HRH1: variants seen among roughly 807,000 people sequenced by gnomAD.
HRH1 encodes histamine H1 receptor.
A neutral mutation model predicts 10.3 loss-of-function variants in HRH1; 6 were observed. The ratio of observed to expected loss-of-function variants is 0.58; its 90% confidence interval spans 0.32 to 1.15. The LOEUF is 1.15. HRH1 is among the 50% of genes most tolerant of loss of function. HRH1 has a pLI of 0.05. For missense variants in HRH1, 514 were observed against 615.3 expected, an observed-to-expected ratio of 0.84 and a Z score of 1.74; for synonymous variants, 242 against 236.7, an observed-to-expected ratio of 1.02 and a Z score of -0.21.
intron 1 of HRH1, among the ~76,000 whole-genome samples, chr3:11,165,052 C>A (rs1937004464): frequency 6.6e-6 from 1 of 152,138 alleles, no homozygotes; most frequent in African/African-American, 2.4e-5. Context: ...AGCTGCTAGG[C>A]CAGTAACAAC....
At chr3:11,167,214 G>A (rs1407022081) in intron 1 of HRH1, among the ~76,000 whole-genome samples, 2 of 116,330 alleles carry the variant, frequency 1.7e-5, no homozygotes, top group Non-Finnish European at 3.6e-5. Context: ...CTGTCCCCTG[G>A]CTTCTCCAGG....
chr3:11,238,875 T>C (rs967365393), intron 1 of HRH1, among the ~76,000 whole-genome samples: 1 of 152,234 alleles, frequency 6.6e-6, no homozygotes. Flanking sequence ...TGTTTCTTTT[T>C]ATTGACAAAT....
chr3:11,202,444 A>T (rs1270987289), intron 1 of HRH1, among the ~76,000 whole-genome samples: 1 of 151,826 alleles, frequency 6.6e-6, no homozygotes, highest in African/African-American at 2.4e-5. Flanking sequence ...ATAATTAATT[A>T]AAAATAAAGG....
At chr3:11,187,408 G>A (rs1161819796) in intron 1 of HRH1, among the ~76,000 whole-genome samples, 3 of 151,592 alleles carry the variant, frequency 2.0e-5, no homozygotes, top group African/African-American at 7.3e-5. Flanking sequence ...TTTTGAAGAA[G>A]AGAAAAATAA....
intron 1 of HRH1, among the ~76,000 whole-genome samples, chr3:11,219,905 T>G (rs1938645438): frequency 1.3e-5 from 2 of 151,650 alleles, no homozygotes; most frequent in South Asian, 2.1e-4. Context: ...AAGGAGCTGT[T>G]TAGTTTCTTT....
chr3:11,180,052 C>T (rs1937323515), intron 1 of HRH1, among the ~76,000 whole-genome samples: 1 of 152,126 alleles, frequency 6.6e-6, no homozygotes, highest in Non-Finnish European at 1.5e-5. Flanking sequence ...CATGCACCAC[C>T]ACACCCGGCC....
chr3:11,174,525 G>T (rs1334355317), intron 1 of HRH1, among the ~76,000 whole-genome samples: 1 of 152,154 alleles, frequency 6.6e-6, no homozygotes, highest in African/African-American at 2.4e-5. Flanking sequence ...TTTTGACATG[G>T]ACTTGTTTAG....
At chr3:11,153,735 C>T (rs1427031585), upstream of HRH1, among the ~76,000 whole-genome samples, 2 of 151,840 alleles carry the variant, frequency 1.3e-5, no homozygotes, top group Non-Finnish European at 2.9e-5. Context: ...CAGAGGTTCC[C>T]GGGGACCTGC....
intron 1 of HRH1, among the ~76,000 whole-genome samples, chr3:11,204,903 G>T (rs977965961): frequency 6.6e-6 from 1 of 152,106 alleles, no homozygotes; most frequent in Admixed American, 6.5e-5. Flanking sequence ...TCCCAGATGC[G>T]AGGTTTCCTG....
At chr3:11,225,441 G>A (rs1938850305) in intron 1 of HRH1, among the ~76,000 whole-genome samples, 1 of 152,220 alleles carries the variant, frequency 6.6e-6, no homozygotes, top group East Asian at 1.9e-4. Flanking sequence ...CTCAAACTCT[G>A]ATCTGGCAGG....
At chr3:11,219,332 G>C (rs184711916) in intron 1 of HRH1, among the ~76,000 whole-genome samples, 1 of 152,184 alleles carries the variant, frequency 6.6e-6, no homozygotes, top group Non-Finnish European at 1.5e-5. Context: ...TCATGGTTGC[G>C]TGGTTGTGAA....
At chr3:11,189,525 C>A (rs576287890) in intron 1 of HRH1, among the ~76,000 whole-genome samples, 4 of 152,272 alleles carry the variant, frequency 2.6e-5, no homozygotes, top group Non-Finnish European at 5.9e-5. Flanking sequence ...TCTCTAGGGA[C>A]CCCTCTGGTC....
intron 1 of HRH1, among the ~76,000 whole-genome samples, chr3:11,173,800 C>G (rs1449697354): frequency 6.6e-6 from 1 of 151,994 alleles, no homozygotes; most frequent in Non-Finnish European, 1.5e-5. Context: ...TACAGAAATA[C>G]TGATTTTGTG....
intron 1 of HRH1, among the ~76,000 whole-genome samples, chr3:11,200,975 A>C (rs1030891387): frequency 2.0e-5 from 3 of 152,202 alleles, no homozygotes; most frequent in Non-Finnish European, 4.4e-5. Flanking sequence ...GGTCTAGAGT[A>C]GAATTCTTTG....
At chr3:11,173,546 C>T (rs1484919679) in intron 1 of HRH1, among the ~76,000 whole-genome samples, 1 of 151,640 alleles carries the variant, frequency 6.6e-6, no homozygotes, top group African/African-American at 2.4e-5. Flanking sequence ...GGACTACAGG[C>T]ACCCGCCACC....
At chr3:11,185,463 C>T (rs454180) in intron 1 of HRH1, among the ~76,000 whole-genome samples, 69,710 of 152,028 alleles carry the variant, frequency 0.46, 17,483 homozygotes, top group African/African-American at 0.66. Flanking sequence ...TGAGCAAGAA[C>T]TGTGTCTCAC....
At chr3:11,198,093 C>G (rs1937741188) in intron 1 of HRH1, among the ~76,000 whole-genome samples, 1 of 152,186 alleles carries the variant, frequency 6.6e-6, no homozygotes, top group Non-Finnish European at 1.5e-5. Flanking sequence ...CCTCCTTTCA[C>G]TAGCTTTAGC....
Position 11,190,372 on chromosome 3 carries a change from A to T in HRH1, c.-36+35818A>T, listed in dbSNP as rs1258863465. Among the ~76,000 whole-genome samples the T allele has an allele frequency of 9.1e-5, 13 of 142,366 alleles. 1 individual carries two copies. Among genetic ancestry groups the T allele is most frequent in the Admixed American group, 8.2e-4 (12 of 14,602 alleles). 93.4% of individuals were successfully genotyped at this position (142,366 alleles called of 152,430 possible). ...AGTAATATATATATATATATTTTTT[A>T]ATTAATTAATTTATTTATTTATTTT... On this transcript the variant is annotated intron_variant, in intron 1 of 1. Coordinates refer to ENST00000431010, the MANE Select transcript of HRH1 (RefSeq NM_001098212.2).
intron 1 of HRH1, among the ~76,000 whole-genome samples, chr3:11,173,868 G>C (rs916892921): frequency 3.3e-5 from 5 of 152,210 alleles, no homozygotes; most frequent in African/African-American, 1.2e-4. Flanking sequence ...TCCAAAGACA[G>C]ACTCTGCCAG....
Sources: gnomAD v4.1 joint callset for allele counts (sites outside exome capture counted in the v4.1 genomes callset) on GRCh38, gnomAD v4.1.1 for gene constraint, MANE v1.5 for transcripts, NCBI Gene and HGNC (gene_info 2026-07-23, HGNC 2026-07-21) for gene names.